ZNF521: variants seen among roughly 807,000 people sequenced by gnomAD.
ZNF521 encodes the protein LYST-interacting protein 3.
ZNF521 carries 14 observed loss-of-function variants against 105.5 expected under a neutral mutation model. The observed-to-expected ratio is 0.13, with a 90% CI of 0.09 to 0.21. ZNF521 has a LOEUF of 0.21. Among genes scored for constraint, ZNF521 ranks in the 10% least tolerant of loss-of-function variants. ZNF521 has a pLI of 1.00. For synonymous variants in ZNF521, 635 were observed against 606.0 expected, an observed-to-expected ratio of 1.05 and a Z score of -0.70; for missense variants, 1,233 against 1,629.7, an observed-to-expected ratio of 0.76 and a Z score of 4.19.
intron 3 of ZNF521, among the ~76,000 whole-genome samples, chr18:25,311,148 T>C (rs1912284571): frequency 6.6e-6 from 1 of 152,142 alleles, no homozygotes; most frequent in South Asian, 2.1e-4. Context: ...CAGTGTAGAA[T>C]GATTCCTGCT....
chr18:25,331,892 TC>T, intron 2 of ZNF521, among the ~76,000 whole-genome samples: 2 of 28,044 alleles, frequency 7.1e-5, no homozygotes, highest in South Asian at 2.0e-3. Context: ...CTTGCTTTTT[TC>T]TTTTTTTTTT....
intron 3 of ZNF521, among the ~76,000 whole-genome samples, chr18:25,228,734 T>G (rs1189822655): frequency 6.6e-6 from 1 of 152,254 alleles, no homozygotes; most frequent in Non-Finnish European, 1.5e-5. Flanking sequence ...TAGCAAGTTA[T>G]CCATAAAGGA....
chr18:25,153,367 C>G (rs773913320), intron 5 of ZNF521, among the ~76,000 whole-genome samples: 4 of 152,178 alleles, frequency 2.6e-5, no homozygotes, highest in Admixed American at 6.5e-5. Flanking sequence ...CATGGGGAAG[C>G]CTGTTCTACC....
At chr18:25,287,470 G>A (rs1199619116) in intron 3 of ZNF521, among the ~76,000 whole-genome samples, 2 of 152,070 alleles carry the variant, frequency 1.3e-5, no homozygotes. Context: ...GATTCTGTGT[G>A]TTTAAGAGCA....
intron 2 of ZNF521, among the ~76,000 whole-genome samples, chr18:25,349,776 G>A (rs922118100): frequency 6.6e-6 from 1 of 150,376 alleles, no homozygotes; most frequent in Non-Finnish European, 1.5e-5. Context: ...GGACCTCGGC[G>A]GGACCCAGCG....
Position 25,227,009 on chromosome 18 carries a change from C to A in ZNF521, c.909G>T (p.Val303=). The stretch of plus-strand genomic sequence containing the variant: ...ATGAGTTCTTCTTCTCCCCGCTATG[C>A]ACCTGCTCCATGTGGTTCATGAGGG... The part of the protein sequence containing the change: ...ETSLMNHMEQ[V]HSGEKKNSCS... Residue 303 remains valine (V), a synonymous_variant, in exon 4 of 8, where the codon GTG becomes GTT. Transcript: ENST00000361524. This position sits in a 1 kb window ranked among gnomAD's most constrained non-coding sequence, Gnocchi z 5.7. 6.2e-7 allele frequency: 1 copy of A among 1,614,150 alleles called. No individual in the cohort carries two copies. The highest frequency in any genetic ancestry group is 1.3e-5 in the African/African-American group (1 of 75,044).
Position 25,270,735 on chromosome 18 carries a change from G to T in ZNF521, c.221-43038C>A, listed in dbSNP as rs563168166. 3.3e-3 allele frequency among the ~76,000 whole-genome samples: 496 copies of T among 152,206 alleles called. 2 individuals carry two copies. The highest frequency in any genetic ancestry group is 0.012 in the African/African-American group (481 of 41,554). ...TTGACAAAATTCAACAGCCCTTCAT[G>T]TTAAAAACTCTTAATAAACTAGGTA... On this transcript the variant is annotated intron_variant, in intron 3 of 7. Coordinates refer to ENST00000361524, the MANE Select transcript of ZNF521 (RefSeq NM_015461.3).
rs188789631 is a variant in ZNF521, at chr18:25,164,980, C to T, written c.3658+30180G>A. On this transcript the variant is annotated intron_variant, in intron 5 of 7. Transcript: ENST00000361524. ...ATGAACACCGATGTCGTGCTCTTTC[C>T]GAAAGATATGACTTTCGTGTTCGTG... is the stretch of plus-strand genomic sequence containing the variant. Among the ~76,000 whole-genome samples, 11 of 152,226 alleles carry T rather than the reference C, an allele frequency of 7.2e-5. No individual in the cohort carries two copies. In the East Asian group the frequency reaches 1.7e-3, roughly 24 times the overall value.
Position 25,175,771 on chromosome 18 carries a change from A to G in ZNF521, c.3658+19389T>C, listed in dbSNP as rs138140139. ...CAAATGGCCATTTATCATACCTTGTACCTTCTTGGATCAACGGTTTTGCTA... is the reference window on the plus strand; with the variant it reads ...CAAATGGCCATTTATCATACCTTGTGCCTTCTTGGATCAACGGTTTTGCTA... On this transcript the variant is annotated intron_variant, in intron 5 of 7. Coordinates refer to ENST00000361524, the MANE Select transcript of ZNF521 (RefSeq NM_015461.3). Among the ~76,000 whole-genome samples, 939 of 152,296 alleles carry G rather than the reference A, an allele frequency of 6.2e-3. 8 individuals are homozygous for G. Among genetic ancestry groups the G allele is most frequent in the African/African-American group, 0.02 (837 of 41,560 alleles).
At chr18:25,234,394 T>C (rs1906736474) in intron 3 of ZNF521, among the ~76,000 whole-genome samples, 1 of 152,266 alleles carries the variant, frequency 6.6e-6, no homozygotes, top group Admixed American at 6.5e-5. Context: ...CTTGTGTTTA[T>C]ATATGACCTC....
rs67381140 is a variant in ZNF521 at position 25,273,220 on chromosome 18, C to CAAAAAAAAAAAAAAAAAAAAAAAAAAA, written c.221-45550_221-45524dup. Among the ~76,000 whole-genome samples the CAAAAAAAAAAAAAAAAAAAAAAAAAAA allele has an allele frequency of 3.2e-4, 13 of 40,888 alleles. 1 individual carries two copies. The highest frequency in any genetic ancestry group is 1.8e-3 in the East Asian group (1 of 560). 26.8% of individuals were successfully genotyped at this position (40,888 alleles called of 152,430 possible). A position where few individuals can be genotyped will look rare whatever the true frequency, so the allele number is the denominator to read the frequency against. ...CCCAAGAGGAGTGAAACCCTGTCTC[C>CAAAAAAAAAAAAAAAAAAAAAAAAAAA]AAAAAAAAAAAAAAAAAAAAAAAAA... On this transcript the variant is annotated intron_variant, in intron 3 of 7. Transcript: ENST00000361524.
At chr18:25,163,340 A>G (rs1056561207) in intron 5 of ZNF521, among the ~76,000 whole-genome samples, 13 of 152,208 alleles carry the variant, frequency 8.5e-5, no homozygotes, top group African/African-American at 3.1e-4. Context: ...TAATAAGCTG[A>G]TGGCAGTATT....
At chr18:25,169,421 C>T (rs1244525703) in intron 5 of ZNF521, among the ~76,000 whole-genome samples, 1 of 152,142 alleles carries the variant, frequency 6.6e-6, no homozygotes, top group Non-Finnish European at 1.5e-5. Flanking sequence ...CATCTTGTCA[C>T]AGGACTGCAG....
chr18:25,175,441 G>C (rs552942351), intron 5 of ZNF521, among the ~76,000 whole-genome samples: 15 of 152,264 alleles, frequency 9.9e-5, no homozygotes, highest in African/African-American at 3.4e-4. Context: ...AAGTTGAAAT[G>C]GATCAACTCA....
At chr18:25,294,125 T>C (rs1911188941) in intron 3 of ZNF521, among the ~76,000 whole-genome samples, 1 of 152,224 alleles carries the variant, frequency 6.6e-6, no homozygotes, top group African/African-American at 2.4e-5. Flanking sequence ...GATAATACTC[T>C]GCAGTGCTGG....
intron 3 of ZNF521, among the ~76,000 whole-genome samples, chr18:25,247,486 T>C (rs1275427141): frequency 6.6e-6 from 1 of 152,216 alleles, no homozygotes; most frequent in Non-Finnish European, 1.5e-5. Context: ...TGCCTGGAGA[T>C]CTTTTTAAAA....
intron 3 of ZNF521, among the ~76,000 whole-genome samples, chr18:25,240,249 C>T (rs1907217430): frequency 6.6e-6 from 1 of 152,114 alleles, no homozygotes; most frequent in South Asian, 2.1e-4. Flanking sequence ...GACAAAGTTG[C>T]TGGTCACTGT....
intron 5 of ZNF521, among the ~76,000 whole-genome samples, chr18:25,173,677 CAA>C (rs1007067112): frequency 3.3e-5 from 5 of 151,860 alleles, no homozygotes; most frequent in African/African-American, 7.3e-5. Flanking sequence ...CAGGTGGAAA[CAA>C]GAGATAAAGC....
chr18:25,087,466 T>C (rs1237256531), intron 7 of ZNF521, among the ~76,000 whole-genome samples: 1 of 152,196 alleles, frequency 6.6e-6, no homozygotes, highest in Non-Finnish European at 1.5e-5. Context: ...AAGTGGAAGT[T>C]TGTTGCAAAC....
Sources: gnomAD v4.1 joint callset for allele counts (sites outside exome capture counted in the v4.1 genomes callset) on GRCh38, gnomAD v4.1.1 for gene constraint, Gnocchi (gnomAD v3.1) non-coding constraint, MANE v1.5 for transcripts, NCBI Gene and HGNC (gene_info 2026-07-23, HGNC 2026-07-21) for gene names.